The following AGTR1 variants were observed in gnomAD, a reference collection of about 807,000 sequenced individuals.
AGTR1 encodes angiotensin II receptor type 1.
Under a neutral mutation model 19.4 loss-of-function variants are expected in AGTR1, and 16 were observed. The observed-to-expected ratio is 0.82, with a 90% CI of 0.56 to 1.25. The LOEUF is 1.25. AGTR1 is among the 50% of genes most tolerant of loss of function. The pLI, the probability that AGTR1 is intolerant of heterozygous loss-of-function variation, is 0.00. For missense variants in AGTR1, 373 were observed against 431.9 expected (o/e 0.86, Z 1.21); for synonymous variants, 153 against 154.9 (o/e 0.99, Z 0.09).
chr3:148,707,196 CAAAG>C (rs148092113), intron 1 of AGTR1, among the ~76,000 whole-genome samples: 2,322 of 151,790 alleles, frequency 0.015, 46 homozygotes, highest in African/African-American at 0.052. Context: ...ATAAATGAAA[CAAAG>C]AAGAAAATAC....
chr3:148,700,709 A>G (rs1357127511), intron 1 of AGTR1, among the ~76,000 whole-genome samples: 3 of 152,216 alleles, frequency 2.0e-5, no homozygotes, highest in Non-Finnish European at 2.9e-5. Context: ...ATAAACAAAT[A>G]TGGAGCCAGA....
intron 2 of AGTR1, among the ~76,000 whole-genome samples, chr3:148,721,267 T>C (rs1407632163): frequency 6.6e-6 from 1 of 152,192 alleles, no homozygotes; most frequent in Non-Finnish European, 1.5e-5. Flanking sequence ...TGCCTAATCA[T>C]GTAGACTATA....
chr3:148,729,980 A>T, intron 2 of AGTR1: 1 of 321,814 alleles, frequency 3.1e-6, no homozygotes, highest in Non-Finnish European at 5.6e-6. Context: ...CAGGGAAAAA[A>T]ATAAATTAAA....
chr3:148,713,452 A>G (rs1642901194), intron 2 of AGTR1, among the ~76,000 whole-genome samples: 2 of 152,152 alleles, frequency 1.3e-5, no homozygotes, highest in South Asian at 4.1e-4. Context: ...TTTACTCAAT[A>G]TGTATAATTA....
At chr3:148,722,658 C>T (rs927080254) in intron 2 of AGTR1, among the ~76,000 whole-genome samples, 7 of 152,138 alleles carry the variant, frequency 4.6e-5, no homozygotes, top group African/African-American at 1.7e-4. Flanking sequence ...GACTGAGCCT[C>T]TTCATGAGGT....
chr3:148,713,454 G>A (rs1426022070), intron 2 of AGTR1, among the ~76,000 whole-genome samples: 2 of 151,998 alleles, frequency 1.3e-5, no homozygotes, highest in Non-Finnish European at 2.9e-5. Flanking sequence ...TACTCAATAT[G>A]TATAATTAGT....
intron 2 of AGTR1, among the ~76,000 whole-genome samples, chr3:148,721,360 G>C (rs1158631808): frequency 6.6e-6 from 1 of 152,154 alleles, no homozygotes; most frequent in Non-Finnish European, 1.5e-5. Flanking sequence ...GGAGGATGAA[G>C]CCGAGTAGTT....
rs112201392 is a variant in AGTR1, at chr3:148,699,909, T to G, written c.-132+1782T>G. Among the ~76,000 whole-genome samples the G allele has an allele frequency of 3.3e-5, 5 of 152,278 alleles. 1 individual carries two copies. The highest frequency in any genetic ancestry group is 1.2e-4 in the African/African-American group (5 of 41,566). On this transcript the variant is annotated intron_variant, in intron 1 of 2. Transcript: ENST00000349243. ...TTAAACTGAATCAACTCTTCCATCA[T>G]CCAACTCAGAATAAAATTGGTTTTC...
intron 2 of AGTR1, among the ~76,000 whole-genome samples, chr3:148,739,028 C>G (rs1714725354): frequency 6.6e-6 from 1 of 152,142 alleles, no homozygotes; most frequent in Non-Finnish European, 1.5e-5. Flanking sequence ...AACTGACAGA[C>G]CAGTGGAGAA....
chr3:148,711,932 T>C (rs1359969211), intron 2 of AGTR1, among the ~76,000 whole-genome samples: 1 of 152,066 alleles, frequency 6.6e-6, no homozygotes, highest in African/African-American at 2.4e-5. Context: ...TTTAATTTTT[T>C]GTAGAGATGT....
At chr3:148,727,674 T>A (rs541431248) in intron 2 of AGTR1, among the ~76,000 whole-genome samples, 4 of 152,346 alleles carry the variant, frequency 2.6e-5, no homozygotes, top group Non-Finnish European at 5.9e-5. Flanking sequence ...ACTCCCTGTT[T>A]GAGAGCTCCT....
intron 1 of AGTR1, among the ~76,000 whole-genome samples, chr3:148,706,992 G>A (rs1205993420): frequency 4.0e-5 from 6 of 151,802 alleles, no homozygotes; most frequent in Non-Finnish European, 8.8e-5. Context: ...GTGCATATAT[G>A]TAAATATTAT....
chr3:148,698,803 C>T (rs1235129837), intron 1 of AGTR1, among the ~76,000 whole-genome samples: 2 of 152,218 alleles, frequency 1.3e-5, no homozygotes, highest in East Asian at 1.9e-4. Flanking sequence ...GTAACTGAGA[C>T]AGAATTTTAG....
chr3:148,717,618 G>A (rs1253596823), intron 2 of AGTR1, among the ~76,000 whole-genome samples: 1 of 152,162 alleles, frequency 6.6e-6, no homozygotes, highest in East Asian at 1.9e-4. Flanking sequence ...TTGAATTATA[G>A]TAGAAGAGTC....
At chr3:148,701,346 A>G (rs904177668) in intron 1 of AGTR1, among the ~76,000 whole-genome samples, 1 of 152,246 alleles carries the variant, frequency 6.6e-6, no homozygotes, top group African/African-American at 2.4e-5. Flanking sequence ...TATTAACATT[A>G]AAATATTTGC....
chr3:148,718,851 A>G (rs1713442209), intron 2 of AGTR1, among the ~76,000 whole-genome samples: 1 of 152,238 alleles, frequency 6.6e-6, no homozygotes, highest in Non-Finnish European at 1.5e-5. Context: ...ATATATTGAG[A>G]TAAAAACTAT....
intron 2 of AGTR1, among the ~76,000 whole-genome samples, chr3:148,734,257 G>A (rs1310400678): frequency 6.6e-6 from 1 of 152,152 alleles, no homozygotes; most frequent in Non-Finnish European, 1.5e-5. Flanking sequence ...AAATATAAAT[G>A]TTAATATAAA....
intron 2 of AGTR1, 97 bp from the exon 3 acceptor site, chr3:148,740,892 T>G: frequency 4.5e-6 from 5 of 1,114,194 alleles, no homozygotes; most frequent in Non-Finnish European, 6.3e-6. Context: ...AGACTAAAGT[T>G]GAGTTACTAC....
chr3:148,699,721 T>C (rs573297373), intron 1 of AGTR1, among the ~76,000 whole-genome samples: 71 of 152,384 alleles, frequency 4.7e-4, no homozygotes, highest in Non-Finnish European at 7.5e-4. Flanking sequence ...TTATAGAAAC[T>C]GCCCATCATA....
Sources: gnomAD v4.1 joint callset for allele counts (sites outside exome capture counted in the v4.1 genomes callset) on GRCh38, gnomAD v4.1.1 for gene constraint, MANE v1.5 for transcripts, NCBI Gene and HGNC (gene_info 2026-07-23, HGNC 2026-07-21) for gene names.